Variants in KCNMA1 observed in about 807,000 individuals in gnomAD.
The protein encoded by KCNMA1 is Calcium-activated potassium channel subunit alpha-1.
Under a neutral mutation model 140.0 loss-of-function variants are expected in KCNMA1, and 29 were observed. The observed-to-expected ratio is 0.21, with a 90% confidence interval of 0.15 to 0.28. The LOEUF is 0.28. Ranked by LOEUF, KCNMA1 falls within the 10% of genes least tolerant of loss-of-function variation. The probability of loss-of-function intolerance (pLI) is 1.00; values close to 1 mark genes in which losing one functional copy is unlikely to be tolerated. For missense variants in KCNMA1, 880 were observed against 1,602.2 expected, an observed-to-expected ratio of 0.55 and a Z score of 7.70; for synonymous variants, 612 against 611.9, an observed-to-expected ratio of 1.00 and a Z score of 0.00.
At chr10:77,596,286 A>G (rs747107770) in intron 1 of KCNMA1, among the ~76,000 whole-genome samples, 7 of 152,200 alleles carry the variant, frequency 4.6e-5, no homozygotes, top group Non-Finnish European at 1.0e-4. Flanking sequence ...AATATCTATC[A>G]ACTTGTAAAT....
rs146205014 is a variant in KCNMA1, at chr10:77,462,874, C to T, written c.379-58851G>A. Among the ~76,000 whole-genome samples, 102 of 152,278 alleles carry T rather than the reference C, an allele frequency of 6.7e-4. 2 individuals are homozygous for T. In the East Asian group the frequency reaches 0.018, roughly 27 times the overall value. On this transcript the variant is annotated intron_variant, in intron 1 of 27. Coordinates refer to ENST00000286628, the MANE Select transcript of KCNMA1 (RefSeq NM_001161352.2). ...GTTTCCAAGCCATACTCTCTCACCC[C>T]ATCCCAGCTTGGGAAACAGCCAGCA...
chr10:77,266,938 C>T (rs2063613020), intron 2 of KCNMA1, among the ~76,000 whole-genome samples: 1 of 152,214 alleles, frequency 6.6e-6, no homozygotes. Context: ...AGCCACAGCC[C>T]TTGCCCTCAT....
chr10:77,156,793 CA>C (rs1187330501), intron 5 of KCNMA1, among the ~76,000 whole-genome samples: 2 of 152,162 alleles, frequency 1.3e-5, no homozygotes, highest in Admixed American at 6.5e-5. Context: ...TGACTGACCC[CA>C]CCTGGACCCA....
chr10:77,619,497 C>T (rs2090723597), intron 1 of KCNMA1, among the ~76,000 whole-genome samples: 1 of 152,160 alleles, frequency 6.6e-6, no homozygotes, highest in Non-Finnish European at 1.5e-5. Flanking sequence ...CCACCACAAT[C>T]CATGGGTTAC....
chr10:77,180,802 C>T (rs1290645147), intron 5 of KCNMA1, among the ~76,000 whole-genome samples: 2 of 152,184 alleles, frequency 1.3e-5, no homozygotes, highest in Non-Finnish European at 2.9e-5. Flanking sequence ...ACAGTTGATA[C>T]AAAGATGTAT....
chr10:77,325,833 C>T (rs1210034405), intron 2 of KCNMA1, among the ~76,000 whole-genome samples: 4 of 152,132 alleles, frequency 2.6e-5, no homozygotes, highest in African/African-American at 7.2e-5. Context: ...CCAGGTCACT[C>T]CTTAACTCAG....
At chr10:77,537,194 T>C (rs2059097945) in intron 1 of KCNMA1, among the ~76,000 whole-genome samples, 1 of 152,076 alleles carries the variant, frequency 6.6e-6, no homozygotes, top group Non-Finnish European at 1.5e-5. Context: ...TTCTGAATGC[T>C]CCTAGAACCA....
At chr10:77,295,460 C>A (rs893382030) in intron 2 of KCNMA1, among the ~76,000 whole-genome samples, 64 of 151,884 alleles carry the variant, frequency 4.2e-4, no homozygotes, top group African/African-American at 1.5e-3. Flanking sequence ...TAGATTCTCA[C>A]TGAAAGTGTA....
At chr10:77,555,190 C>A (rs1362419471) in intron 1 of KCNMA1, among the ~76,000 whole-genome samples, 1 of 152,158 alleles carries the variant, frequency 6.6e-6, no homozygotes, top group African/African-American at 2.4e-5. Flanking sequence ...CAAACAAGGG[C>A]ATGTGACTGA....
chr10:77,526,618 G>A (rs371879509), intron 1 of KCNMA1, among the ~76,000 whole-genome samples: 1 of 152,180 alleles, frequency 6.6e-6, no homozygotes, highest in Non-Finnish European at 1.5e-5. Flanking sequence ...TGGAGACGAT[G>A]AGCACAGCCA....
intron 23 of KCNMA1, among the ~76,000 whole-genome samples, chr10:76,932,393 A>G (rs1044668586): frequency 8.5e-5 from 13 of 152,204 alleles, no homozygotes; most frequent in Admixed American, 7.2e-4. Flanking sequence ...ATTCTTAGTG[A>G]GAAAATTGAG....
intron 1 of KCNMA1, among the ~76,000 whole-genome samples, chr10:77,414,901 C>T (rs114783030): frequency 9.3e-4 from 141 of 152,304 alleles, no homozygotes; most frequent in African/African-American, 3.2e-3. Flanking sequence ...CTCTGAAGGC[C>T]ATATTTTTTC....
intron 3 of KCNMA1, among the ~76,000 whole-genome samples, chr10:77,206,596 A>G (rs948971500): frequency 6.6e-6 from 1 of 151,996 alleles, no homozygotes; most frequent in Non-Finnish European, 1.5e-5. Flanking sequence ...CTGAGCTCTA[A>G]CCATACTCAT....
At position 77,084,841 on chromosome 10, in the gene KCNMA1, G is replaced by A. The variant is rs1595624130; in HGVS notation, c.1441-122C>T. On this transcript the variant is annotated intron_variant, in intron 11 of 27. Coordinates refer to ENST00000286628, the MANE Select transcript of KCNMA1 (RefSeq NM_001161352.2). Reference sequence around the variant, plus strand: ...GCAAAGAAAAAAAAAAAACAATCCTGAGAGCCTGAGAGATTATAGTTTTTG... The same window carrying A: ...GCAAAGAAAAAAAAAAAACAATCCTAAGAGCCTGAGAGATTATAGTTTTTG... The A allele has an allele frequency of 2.1e-5, 15 of 700,112 alleles. No homozygotes were observed. In the East Asian group the frequency reaches 3.5e-4, roughly 16 times the overall value. 43.4% of individuals were successfully genotyped at this position (700,112 alleles called of 1,614,324 possible).
At chr10:77,441,754 T>C (rs1162463578) in intron 1 of KCNMA1, among the ~76,000 whole-genome samples, 2 of 152,176 alleles carry the variant, frequency 1.3e-5, no homozygotes, top group African/African-American at 4.8e-5. Context: ...ACCAGCTAGA[T>C]GGCCCCTTCT....
At chr10:77,025,242 G>GTATGTATATATATATATATA (rs1555136871) in intron 16 of KCNMA1, among the ~76,000 whole-genome samples, 1 of 42,742 alleles carries the variant, frequency 2.3e-5, no homozygotes, top group African/African-American at 7.7e-5. Context: ...GGGTGTGTGT[G>GTATGTATATATATATATATA]TATATATATA....
At chr10:76,884,800 G>A, downstream of KCNMA1, 4 of 778,416 alleles carry the variant, frequency 5.1e-6, no homozygotes, top group Non-Finnish European at 7.5e-6. Flanking sequence ...GAAAGGGGAG[G>A]GGGGGAAAAG....
At chr10:77,351,203 C>T (rs146202682) in intron 2 of KCNMA1, among the ~76,000 whole-genome samples, 1 of 152,108 alleles carries the variant, frequency 6.6e-6, no homozygotes, top group Non-Finnish European at 1.5e-5. Flanking sequence ...TGAAGACATG[C>T]TCATTTTAAT....
At position 77,637,299 on chromosome 10, in the gene KCNMA1, C is replaced by A; in HGVS notation, c.344G>T (p.Trp115Leu). The change falls in exon 1 of 28, where the codon TGG becomes TTG. Residue 115 changes from tryptophan (W) to leucine (L), a missense_variant. Physicochemically the swap from Trp to Leu is moderately conservative, Grantham distance 61 (BLOSUM62 -2). Coordinates refer to ENST00000286628, the MANE Select transcript of KCNMA1 (RefSeq NM_001161352.2). ...ILLWRTLKYL[W>L]TVCCHCGGKT... is the part of the protein sequence containing the mutation. ...GCCCCCGCAGTGGCAGCACACGGTC[C>A]ACAGGTACTTGAGCGTCCGCCAGAG... is the stretch of plus-strand genomic sequence containing the variant. 1 of 1,613,010 alleles carries A rather than the reference C, an allele frequency of 6.2e-7. No homozygotes were observed. The highest frequency in any genetic ancestry group is 8.5e-7 in the Non-Finnish European group (1 of 1,179,656).
Sources: gnomAD v4.1 joint callset for allele counts (sites outside exome capture counted in the v4.1 genomes callset) on GRCh38, gnomAD v4.1.1 for gene constraint, MANE v1.5 for transcripts, NCBI Gene and HGNC (gene_info 2026-07-23, HGNC 2026-07-21) for gene names.